Variants in NFIA observed in about 807,000 individuals in gnomAD.
NFIA encodes nuclear factor 1 A-type.
Under a neutral mutation model 62.8 loss-of-function variants are expected in NFIA, and 8 were observed. That is an observed-to-expected ratio of 0.13 (90% CI 0.07 to 0.23). The LOEUF is 0.23. Among genes scored for constraint, NFIA ranks in the 10% least tolerant of loss-of-function variants. The probability of loss-of-function intolerance (pLI) is 1.00; values close to 1 mark genes in which losing one functional copy is unlikely to be tolerated. For synonymous variants in NFIA, 235 were observed against 238.1 expected (o/e 0.99, Z 0.12); for missense variants, 410 against 642.1 (o/e 0.64, Z 3.91).
At chr1:61,168,512 G>A (rs149443634) in intron 2 of NFIA, among the ~76,000 whole-genome samples, 192 of 152,302 alleles carry the variant, frequency 1.3e-3, no homozygotes, top group Admixed American at 9.3e-3. Context: ...ACAGCTGGGT[G>A]AGACTTTGTT....
Position 61,195,574 on chromosome 1 carries a change from G to A in NFIA, c.560-81946G>A, listed in dbSNP as rs138053420. On this transcript the variant is annotated intron_variant, in intron 2 of 10. Transcript: ENST00000403491. ...TTAAGACATTTTAAAATGTAATTTG[G>A]CTACCTCATCCATTTTATCTGCATT... 4.0e-3 allele frequency among the ~76,000 whole-genome samples: 605 copies of A among 152,042 alleles called. 1 individual carries two copies. The highest frequency in any genetic ancestry group is 0.014 in the African/African-American group (570 of 41,468).
chr1:61,291,322 T>C (rs1296116861), intron 3 of NFIA, among the ~76,000 whole-genome samples: 1 of 152,198 alleles, frequency 6.6e-6, no homozygotes, highest in Non-Finnish European at 1.5e-5. Flanking sequence ...ACTCAGGTGG[T>C]ACTTCTGTAT....
chr1:61,423,146 G>A (rs1354215431), intron 9 of NFIA, among the ~76,000 whole-genome samples: 1 of 151,816 alleles, frequency 6.6e-6, no homozygotes, highest in African/African-American at 2.4e-5. Context: ...TCAGATTAGT[G>A]CAAATGAGAT....
At chr1:61,185,703 T>G (rs1030337208) in intron 2 of NFIA, among the ~76,000 whole-genome samples, 1 of 151,886 alleles carries the variant, frequency 6.6e-6, no homozygotes, top group Non-Finnish European at 1.5e-5. Context: ...TCCTTTCAGT[T>G]TTCAGAACCT....
intron 9 of NFIA, among the ~76,000 whole-genome samples, chr1:61,422,618 CAG>C (rs1196186394): frequency 1.3e-5 from 2 of 152,136 alleles, no homozygotes; most frequent in Admixed American, 6.5e-5. Context: ...TCAGTCCTCT[CAG>C]GGACATCCGC....
At chr1:61,137,928 T>TTC (rs150282644) in intron 2 of NFIA, among the ~76,000 whole-genome samples, 26 of 150,886 alleles carry the variant, frequency 1.7e-4, no homozygotes, top group East Asian at 3.9e-4. Flanking sequence ...CACATTTTCT[T>TTC]TCTCTCTCTC....
At chr1:61,356,524 A>G (rs554188562) in intron 5 of NFIA, among the ~76,000 whole-genome samples, 2 of 152,332 alleles carry the variant, frequency 1.3e-5, no homozygotes, top group East Asian at 3.9e-4. Flanking sequence ...TATAGTTTGC[A>G]TTTCTAATAA....
chr1:61,298,078 C>T (rs889886296), intron 3 of NFIA, among the ~76,000 whole-genome samples: 1 of 152,020 alleles, frequency 6.6e-6, no homozygotes, highest in African/African-American at 2.4e-5. Flanking sequence ...AATTGTAATC[C>T]CCACATGTCG....
At chr1:61,264,653 CAAAA>C (rs1165980251) in intron 2 of NFIA, among the ~76,000 whole-genome samples, 129 of 60,734 alleles carry the variant, frequency 2.1e-3, no homozygotes, top group African/African-American at 6.5e-3. Flanking sequence ...CTCCACCTTA[CAAAA>C]AAAAAAAAAA....
At chr1:61,317,650 A>G (rs1660437556) in intron 3 of NFIA, among the ~76,000 whole-genome samples, 1 of 152,040 alleles carries the variant, frequency 6.6e-6, no homozygotes, top group African/African-American at 2.4e-5. Flanking sequence ...CTTAAATAAA[A>G]TTACATTATC....
chr1:61,232,722 T>TGG (rs1654754675), intron 2 of NFIA, among the ~76,000 whole-genome samples: 1 of 152,162 alleles, frequency 6.6e-6, no homozygotes, highest in African/African-American at 2.4e-5. Flanking sequence ...ACATCTTCCT[T>TGG]TCCAGTTTAG....
chr1:61,367,479 T>C (rs1459982417), intron 6 of NFIA, among the ~76,000 whole-genome samples: 1 of 152,190 alleles, frequency 6.6e-6, no homozygotes, highest in Non-Finnish European at 1.5e-5. Context: ...TAGGAAAGCA[T>C]CATCTGGGAC....
chr1:61,306,965 C>G (rs1191895009), intron 3 of NFIA, among the ~76,000 whole-genome samples: 1 of 152,186 alleles, frequency 6.6e-6, no homozygotes, highest in East Asian at 1.9e-4. Flanking sequence ...CCTTGCCTTC[C>G]TCTGTCACAT....
intron 1 of NFIA, among the ~76,000 whole-genome samples, chr1:61,086,874 TATA>T (rs1257143150): frequency 6.6e-6 from 1 of 152,180 alleles, no homozygotes; most frequent in East Asian, 1.9e-4. Flanking sequence ...GAATGCATTT[TATA>T]ATATTTGTCT....
chr1:61,205,432 C>T (rs1479788733), intron 2 of NFIA, among the ~76,000 whole-genome samples: 1 of 152,158 alleles, frequency 6.6e-6, no homozygotes, highest in Non-Finnish European at 1.5e-5. Flanking sequence ...ATAGGCATAG[C>T]AGTAATTATG....
intron 2 of NFIA, among the ~76,000 whole-genome samples, chr1:61,160,634 G>A (rs1005682541): frequency 6.6e-6 from 1 of 152,158 alleles, no homozygotes; most frequent in African/African-American, 2.4e-5. Context: ...CTGGAACTCG[G>A]AATAGATTAT....
In NFIA at chr1:61,316,403, GTT is replaced by G. The variant is rs910669439; in HGVS notation, c.626-16107_626-16106del. 1.1e-4 allele frequency among the ~76,000 whole-genome samples: 17 copies of G among 152,288 alleles called. No individual in the cohort carries two copies. In the East Asian group the frequency reaches 2.3e-3, roughly 21 times the overall value. On this transcript the variant is annotated intron_variant, in intron 3 of 10. Coordinates refer to ENST00000403491, the MANE Select transcript of NFIA (RefSeq NM_001134673.4). ...ATACCTGCTGAGGTCTTAAGGCAGT[GTT>G]TATACACTGGAGGGTATTTTCCTCC... is the stretch of plus-strand genomic sequence containing the variant.
intron 2 of NFIA, among the ~76,000 whole-genome samples, chr1:61,140,437 A>G (rs1352563991): frequency 6.6e-6 from 1 of 151,962 alleles, no homozygotes; most frequent in Non-Finnish European, 1.5e-5. Context: ...ATAAAATGCA[A>G]ATTTTGTACT....
intron 2 of NFIA, among the ~76,000 whole-genome samples, chr1:61,111,619 G>A (rs1168655514): frequency 1.3e-5 from 2 of 152,106 alleles, no homozygotes; most frequent in Non-Finnish European, 2.9e-5. Context: ...TTAATTTAAA[G>A]GGTTACATTT....
Sources: allele counts gnomAD v4.1 joint callset (sites outside exome capture counted in the v4.1 genomes callset), GRCh38; gene constraint gnomAD v4.1.1; transcripts MANE v1.5; gene names NCBI Gene and HGNC (gene_info 2026-07-23, HGNC 2026-07-21).